The following ABCG4 variants were observed in gnomAD, a reference collection of about 807,000 sequenced individuals.
ABCG4 encodes the protein ATP-binding cassette sub-family G member 4.
ABCG4 carries 35 observed loss-of-function variants against 64.6 expected under a neutral mutation model. The observed-to-expected ratio is 0.54, with a 90% CI of 0.41 to 0.72. The LOEUF is 0.72. Ranked by LOEUF, ABCG4 falls within the 30% of genes least tolerant of loss-of-function variation. The pLI, the probability that ABCG4 is intolerant of heterozygous loss-of-function variation, is 0.00. For synonymous variants in ABCG4, 326 were observed against 348.2 expected, an observed-to-expected ratio of 0.94 and a Z score of 0.71; for missense variants, 610 against 846.3, an observed-to-expected ratio of 0.72 and a Z score of 3.46.
In ABCG4 at chr11:119,160,215, C is replaced by T. The variant is rs1403832302; in HGVS notation, c.1438-12C>T. The T allele has an allele frequency of 2.1e-5, 34 of 1,602,566 alleles. No individual in the cohort carries two copies. In the Admixed American group the frequency reaches 5.5e-4, roughly 26 times the overall value. On this transcript the variant is annotated splice_polypyrimidine_tract_variant and intron_variant, in intron 12 of 14. Transcript: ENST00000619701. This position sits in a 1 kb window ranked among gnomAD's most constrained non-coding sequence, Gnocchi z 4.6. ...CTTGAAGTCCACTGTCCAGCCCGTG[C>T]CCACTCCCCAGGTGGTGTGTCCGGT... is the stretch of plus-strand genomic sequence containing the variant.
chr11:119,153,878 G>A, intron 2 of ABCG4, 148 bp from the exon 3 acceptor site: 1 of 693,620 alleles, frequency 1.4e-6, no homozygotes, highest in South Asian at 1.7e-5. Context: ...GTTCCTGCCG[G>A]GGCTATAAGG....
In ABCG4 at chr11:119,156,311, T is replaced by A; in HGVS notation, c.687-18T>A. The A allele has an allele frequency of 6.2e-7, 1 of 1,614,168 alleles. No individual in the cohort carries two copies. Among genetic ancestry groups the A allele is most frequent in the Admixed American group, 1.7e-5 (1 of 60,018 alleles). ...TCACCCACCTCACGTGGCCCCCTGG[T>A]GGCCTCTCTCTGGACAGTGGTCTGG... On this transcript the variant is annotated intron_variant, in intron 6 of 14. Transcript: ENST00000619701. The surrounding 1 kb of genome is among the most constrained non-coding windows in gnomAD (Gnocchi z 5.5).
chr11:119,153,756 G>A (rs663632), intron 2 of ABCG4: 3 of 440,300 alleles, frequency 6.8e-6, no homozygotes, highest in Admixed American at 3.4e-5. Context: ...CCCTCTCCAC[G>A]CCCATCCATG....
Position 119,150,045 on chromosome 11 carries a change from G to T in ABCG4, c.80G>T (p.Gly27Val). The change falls in exon 2 of 15, where the codon GGG (glycine) becomes GTG (valine). Residue 27 changes from glycine to valine, a missense_variant. Coordinates refer to ENST00000619701, the MANE Select transcript of ABCG4 (RefSeq NM_022169.5). This position sits in a 1 kb window ranked among gnomAD's most constrained non-coding sequence, Gnocchi z 4.3. Reference protein sequence around the residue: ...AVAMAVTLEDGAEPPVLTTHL... With the variant: ...AVAMAVTLEDVAEPPVLTTHL... ...GCCATGGCCGTGACGCTGGAGGACG[G>T]GGCGGAACCCCCTGTGCTGACCACG... The T allele has an allele frequency of 6.2e-7, 1 of 1,613,812 alleles. No homozygotes were observed. The highest frequency in any genetic ancestry group is 1.1e-5 in the South Asian group (1 of 91,090).
rs1419428100 is a variant in ABCG4 at position 119,158,779 on chromosome 11, G to T, written c.1337-50G>T. ...AAGGGTGTGGGTGCTGGGGCTTGGG[G>T]CAGGGGCCAGGGTGTCGGCCGGGTG... On this transcript the variant is annotated intron_variant, in intron 11 of 14. Coordinates refer to ENST00000619701, the MANE Select transcript of ABCG4 (RefSeq NM_022169.5). The surrounding 1 kb of genome is among the most constrained non-coding windows in gnomAD (Gnocchi z 4.5). The T allele has an allele frequency of 6.2e-7, 1 of 1,614,154 alleles. No homozygotes were observed. Among genetic ancestry groups the T allele is most frequent in the Non-Finnish European group, 8.5e-7 (1 of 1,179,994 alleles).
intron 12 of ABCG4, among the ~76,000 whole-genome samples, 173 bp downstream of exon 12, chr11:119,159,102 G>A (rs996159824): frequency 2.0e-5 from 3 of 152,246 alleles, no homozygotes; most frequent in African/African-American, 7.2e-5. Context: ...AGGCCCTAGG[G>A]ATATAGCATT....
At chr11:119,152,073 A>T (rs1948199324) in intron 2 of ABCG4, among the ~76,000 whole-genome samples, 1 of 152,228 alleles carries the variant, frequency 6.6e-6, no homozygotes, top group Non-Finnish European at 1.5e-5. Flanking sequence ...CGTCGTTGCC[A>T]GTTTCTTCTC....
rs1425914961 is a variant in ABCG4 at position 119,149,781 on chromosome 11, C to T, written c.-12-173C>T. 2 of 1,086,942 alleles carry T rather than the reference C, an allele frequency of 1.8e-6. No individual in the cohort carries two copies. Among genetic ancestry groups the T allele is most frequent in the Non-Finnish European group, 1.3e-6 (1 of 781,022 alleles). 67.3% of individuals were successfully genotyped at this position (1,086,942 alleles called of 1,614,324 possible). On this transcript the variant is annotated intron_variant, in intron 1 of 14. Coordinates refer to ENST00000619701, the MANE Select transcript of ABCG4 (RefSeq NM_022169.5). This position sits in a 1 kb window ranked among gnomAD's most constrained non-coding sequence, Gnocchi z 8.3. ...CAGGCTGGAGCTGGGCTGCCCGGGA[C>T]TGAGCGTCTCCGTGCGGAGAGTGGG...
chr11:119,154,607 C>T lies in ABCG4; in HGVS notation c.540+32C>T, dbSNP rs780867103. ...GGGGAAGGGAGGCAGTGGGACCACTCCCTTTTGTGGTGCTGCTGAGCTCAA... is the reference window on the plus strand; with the variant it reads ...GGGGAAGGGAGGCAGTGGGACCACTTCCTTTTGTGGTGCTGCTGAGCTCAA... On this transcript the variant is annotated intron_variant, in intron 5 of 14. Coordinates refer to ENST00000619701, the MANE Select transcript of ABCG4 (RefSeq NM_022169.5). This position sits in a 1 kb window ranked among gnomAD's most constrained non-coding sequence, Gnocchi z 7.0. 3.1e-6 allele frequency: 5 copies of T among 1,609,888 alleles called. No individual in the cohort carries two copies. The highest frequency in any genetic ancestry group is 2.2e-5 in the East Asian group (1 of 44,882).
chr11:119,158,414 T>C lies in ABCG4; in HGVS notation c.1167+82T>C. 1 of 1,568,264 alleles carries C rather than the reference T, an allele frequency of 6.4e-7. No homozygotes were observed. The highest frequency in any genetic ancestry group is 1.1e-5 in the South Asian group (1 of 90,074). ...AGGATCCCAGCAGCTGAAATGGGAA[T>C]GGGGACCCTCCCTCACAGCCCTGCA... On this transcript the variant is annotated intron_variant, in intron 10 of 14. Transcript: ENST00000619701. This position sits in a 1 kb window ranked among gnomAD's most constrained non-coding sequence, Gnocchi z 4.5.
chr11:119,156,841 C>A lies in ABCG4; in HGVS notation c.926-31C>A. On this transcript the variant is annotated intron_variant, in intron 8 of 14. Transcript: ENST00000619701. This position sits in a 1 kb window ranked among gnomAD's most constrained non-coding sequence, Gnocchi z 5.5. Reference sequence around the variant, plus strand: ...TTGCCCTTGGGAAGTGAGTGTGAATCTAAACTGAGCTCTCCACTCTGTGTC... The same window carrying A: ...TTGCCCTTGGGAAGTGAGTGTGAATATAAACTGAGCTCTCCACTCTGTGTC... The A allele has an allele frequency of 6.3e-7, 1 of 1,596,290 alleles. No homozygotes were observed.
Position 119,160,283 on chromosome 11 carries a change from T to C in ABCG4, c.1494T>C (p.Ala498=). 6.2e-7 allele frequency: 1 copy of C among 1,613,892 alleles called. No individual in the cohort carries two copies. The change falls in exon 13 of 15, where the codon GCT becomes GCC. Residue 498 remains alanine (A), a synonymous_variant. Coordinates refer to ENST00000619701, the MANE Select transcript of ABCG4 (RefSeq NM_022169.5). This position sits in a 1 kb window ranked among gnomAD's most constrained non-coding sequence, Gnocchi z 4.6. ...TGTACTGGATGACGGGCCAGCCCGC[T>C]GAGACCAGCCGCTTCCTGCTCTTCT... ...SIVYWMTGQP[A]ETSRFLLFSA...
At position 119,149,668 on chromosome 11, in the gene ABCG4, C is replaced by T. The variant is rs986754248; in HGVS notation, c.-12-286C>T. 2.8e-5 allele frequency: 13 copies of T among 468,086 alleles called. No individual in the cohort carries two copies. The highest frequency in any genetic ancestry group is 2.5e-4 in the African/African-American group (13 of 51,666). 29.0% of individuals were successfully genotyped at this position (468,086 alleles called of 1,614,324 possible). A position where few individuals can be genotyped will look rare whatever the true frequency, so the allele number is the denominator to read the frequency against. ...CCCCGCCCCCTATTCCTTCAGTCCCCAGGGGCTGCTGGCCTGCGGGGTAAG... is the reference window on the plus strand; with the variant it reads ...CCCCGCCCCCTATTCCTTCAGTCCCTAGGGGCTGCTGGCCTGCGGGGTAAG... On this transcript the variant is annotated intron_variant, in intron 1 of 14. Transcript: ENST00000619701. This position sits in a 1 kb window ranked among gnomAD's most constrained non-coding sequence, Gnocchi z 8.3.
intron 2 of ABCG4, among the ~76,000 whole-genome samples, chr11:119,151,278 G>A (rs1213850362): frequency 6.6e-6 from 1 of 152,000 alleles, no homozygotes; most frequent in Non-Finnish European, 1.5e-5. Flanking sequence ...GTGTCTAGAC[G>A]GGCCAGCTCT....
chr11:119,157,625 C>T (rs1366754517), intron 9 of ABCG4, among the ~76,000 whole-genome samples: 11 of 148,544 alleles, frequency 7.4e-5, no homozygotes, highest in Admixed American at 7.3e-4. Context: ...CCTGTAATCC[C>T]AGCACTTTGG....
At position 119,158,875 on chromosome 11, in the gene ABCG4, G is replaced by C. The variant is rs1406689468; in HGVS notation, c.1383G>C (p.Trp461Cys). Reference sequence around the variant, plus strand: ...TCATGAGGGAGCACCTCAACTACTGGTACAGCCTCAAAGCGTATTACCTGG... The same window carrying C: ...TCATGAGGGAGCACCTCAACTACTGCTACAGCCTCAAAGCGTATTACCTGG... ...AVFMREHLNY[W>C]YSLKAYYLAK... is the part of the protein sequence containing the mutation. The change falls in exon 12 of 15, where the codon TGG becomes TGC. Residue 461 changes from tryptophan (W) to cysteine (C), a missense_variant. Physicochemically the swap from Trp to Cys is radical, Grantham distance 215. Transcript: ENST00000619701. This position sits in a 1 kb window ranked among gnomAD's most constrained non-coding sequence, Gnocchi z 4.5. 6.2e-7 allele frequency: 1 copy of C among 1,614,176 alleles called. No homozygotes were observed. Among genetic ancestry groups the C allele is most frequent in the Non-Finnish European group, 8.5e-7 (1 of 1,180,032 alleles).
At chr11:119,159,821 G>T (rs1485259403) in intron 12 of ABCG4, among the ~76,000 whole-genome samples, 1 of 152,126 alleles carries the variant, frequency 6.6e-6, no homozygotes, top group African/African-American at 2.4e-5. Context: ...ATGCCCTTGA[G>T]CAGTGGATGA....
In ABCG4 at chr11:119,156,799, C is replaced by T; in HGVS notation, c.926-73C>T. 1 of 1,590,398 alleles carries T rather than the reference C, an allele frequency of 6.3e-7. No individual in the cohort carries two copies. The highest frequency in any genetic ancestry group is 1.3e-5 in the African/African-American group (1 of 74,498). On this transcript the variant is annotated intron_variant, in intron 8 of 14. Coordinates refer to ENST00000619701, the MANE Select transcript of ABCG4 (RefSeq NM_022169.5). The surrounding 1 kb of genome is among the most constrained non-coding windows in gnomAD (Gnocchi z 5.5). ...CACCGTCGCCTGCCTTCCCCACACA[C>T]CCAAGGCGGGACTGACTTGCCCTTG...
chr11:119,158,575 T>C lies in ABCG4; in HGVS notation c.1186T>C (p.Phe396Leu), dbSNP rs988866584. Residue 396 changes from phenylalanine to leucine, a missense_variant, in exon 11 of 15, where the codon TTC (phenylalanine) becomes CTC (leucine). Transcript: ENST00000619701. This position sits in a 1 kb window ranked among gnomAD's most constrained non-coding sequence, Gnocchi z 4.5. ...LRDTVLTHLR[F>L]MSHVVIGVLI... is the part of the protein sequence containing the mutation. ...TCCCAAGGTCCTGACCCACCTACGG[T>C]TCATGTCCCACGTGGTTATTGGCGT... 3.7e-6 allele frequency: 6 copies of C among 1,614,060 alleles called. No individual in the cohort carries two copies. The Admixed American group carries it at 5.0e-5, about 13-fold the overall frequency.
Sources: gnomAD v4.1 joint callset for allele counts (sites outside exome capture counted in the v4.1 genomes callset) on GRCh38, gnomAD v4.1.1 for gene constraint, Gnocchi (gnomAD v3.1) non-coding constraint, MANE v1.5 for transcripts, NCBI Gene and HGNC (gene_info 2026-07-23, HGNC 2026-07-21) for gene names.